The following NCEH1 variants were observed in gnomAD, a reference collection of about 807,000 sequenced individuals.
NCEH1 encodes 2-acetyl MAGE hydrolase.
In NCEH1, 9 loss-of-function variants were observed where a neutral mutation model predicts 25.4. The observed-to-expected ratio is 0.35, with a 90% CI of 0.21 to 0.62. The LOEUF is 0.62. Ranked by LOEUF, NCEH1 falls within the 20% of genes least tolerant of loss-of-function variation. The probability of loss-of-function intolerance (pLI) is 0.72; values close to 1 mark genes in which losing one functional copy is unlikely to be tolerated. For synonymous variants in NCEH1, 200 were observed against 199.8 expected (o/e 1.00, Z -0.01); for missense variants, 412 against 501.1 (o/e 0.82, Z 1.70).
chr3:172,654,000 C>T (rs1445227166), intron 1 of NCEH1, among the ~76,000 whole-genome samples: 1 of 152,044 alleles, frequency 6.6e-6, no homozygotes, highest in Non-Finnish European at 1.5e-5. Flanking sequence ...CATGATCCTC[C>T]CGCCTTGGCC....
intron 1 of NCEH1, among the ~76,000 whole-genome samples, chr3:172,658,564 T>C (rs1040647363): frequency 2.6e-5 from 4 of 152,104 alleles, no homozygotes; most frequent in East Asian, 1.9e-4. Flanking sequence ...AATAGTAGGG[T>C]TCTCTCATTA....
At chr3:172,656,725 C>T (rs1717714511) in intron 1 of NCEH1, among the ~76,000 whole-genome samples, 1 of 152,098 alleles carries the variant, frequency 6.6e-6, no homozygotes, top group Non-Finnish European at 1.5e-5. Flanking sequence ...CAATATTGCA[C>T]CACTGCACTC....
At chr3:172,662,363 G>A (rs942690315) in intron 1 of NCEH1, among the ~76,000 whole-genome samples, 4 of 152,080 alleles carry the variant, frequency 2.6e-5, no homozygotes, top group African/African-American at 7.2e-5. Flanking sequence ...TGCTGGATTC[G>A]GTTTGCCAGT....
At chr3:172,648,459 T>C (rs1173923722) in intron 1 of NCEH1, among the ~76,000 whole-genome samples, 2 of 152,134 alleles carry the variant, frequency 1.3e-5, no homozygotes, top group Non-Finnish European at 2.9e-5. Context: ...TAAATAAGTA[T>C]ATCACAGTTC....
At chr3:172,646,796 C>T (rs1217648588) in intron 2 of NCEH1, among the ~76,000 whole-genome samples, 1 of 152,194 alleles carries the variant, frequency 6.6e-6, no homozygotes. Flanking sequence ...TCCTCCAGTA[C>T]AATGTTTTTC....
chr3:172,685,072 A>T (rs1712623386), intron 1 of NCEH1, among the ~76,000 whole-genome samples: 1 of 151,816 alleles, frequency 6.6e-6, no homozygotes, highest in African/African-American at 2.4e-5. Flanking sequence ...AGGCGGGTGG[A>T]CTGCCAGAGC....
chr3:172,669,042 C>T (rs1718360280), intron 1 of NCEH1, among the ~76,000 whole-genome samples: 1 of 152,116 alleles, frequency 6.6e-6, no homozygotes, highest in Non-Finnish European at 1.5e-5. Context: ...TTTCTTCTCT[C>T]TCCAACTGGA....
intron 1 of NCEH1, among the ~76,000 whole-genome samples, chr3:172,662,118 CTCT>C (rs538410146): frequency 5.3e-4 from 81 of 152,186 alleles, no homozygotes; most frequent in African/African-American, 1.9e-3. Flanking sequence ...TCATACATAG[CTCT>C]TATTATTTTG....
chr3:172,701,552 G>A (rs1419571368), intron 1 of NCEH1, among the ~76,000 whole-genome samples: 1 of 147,306 alleles, frequency 6.8e-6, no homozygotes, highest in African/African-American at 2.5e-5. Flanking sequence ...CAGATTCAAG[G>A]GATTCTCCTG....
chr3:172,647,314 A>C (rs1400779381), intron 2 of NCEH1, among the ~76,000 whole-genome samples: 1 of 152,150 alleles, frequency 6.6e-6, no homozygotes. Flanking sequence ...AATGTGTTCT[A>C]CTCATAAAAA....
chr3:172,638,021 G>C (rs1033475944), intron 3 of NCEH1, among the ~76,000 whole-genome samples: 2 of 152,080 alleles, frequency 1.3e-5, no homozygotes, highest in Non-Finnish European at 2.9e-5. Flanking sequence ...AGACCTGGGC[G>C]AAAGAGCAAG....
intron 1 of NCEH1, among the ~76,000 whole-genome samples, chr3:172,656,942 T>C (rs538145546): frequency 1.3e-5 from 2 of 152,254 alleles, no homozygotes; most frequent in South Asian, 4.2e-4. Flanking sequence ...ATTTGACAAC[T>C]TGTGCTTTCT....
At chr3:172,664,392 A>AT (rs1264592681) in intron 1 of NCEH1, among the ~76,000 whole-genome samples, 1 of 151,822 alleles carries the variant, frequency 6.6e-6, no homozygotes, top group Non-Finnish European at 1.5e-5. Context: ...TGCGCTTGAC[A>AT]TTTTTTTCTT....
At chr3:172,650,670 G>T (rs1717354307) in intron 1 of NCEH1, among the ~76,000 whole-genome samples, 2 of 148,844 alleles carry the variant, frequency 1.3e-5, no homozygotes, top group Admixed American at 1.3e-4. Context: ...AAAATAGCCA[G>T]GCATGGTGGC....
intron 1 of NCEH1, among the ~76,000 whole-genome samples, chr3:172,652,907 G>A (rs1240072132): frequency 6.6e-6 from 1 of 150,522 alleles, no homozygotes; most frequent in Non-Finnish European, 1.5e-5. Context: ...GTTTCACTAT[G>A]TTGCCCAGGC....
intron 1 of NCEH1, among the ~76,000 whole-genome samples, chr3:172,680,103 G>A (rs917222345): frequency 6.6e-6 from 1 of 152,160 alleles, no homozygotes; most frequent in South Asian, 2.1e-4. Context: ...AACATCTGGG[G>A]CAGACCCAGG....
chr3:172,693,259 AAAG>A (rs1458130971), intron 1 of NCEH1, among the ~76,000 whole-genome samples: 5 of 152,240 alleles, frequency 3.3e-5, no homozygotes, highest in Non-Finnish European at 5.9e-5. Context: ...CCATAAACAG[AAAG>A]AAGAAGAGCT....
chr3:172,677,739 T>A (rs1477099493), intron 1 of NCEH1, among the ~76,000 whole-genome samples: 1 of 152,170 alleles, frequency 6.6e-6, no homozygotes, highest in Admixed American at 6.5e-5. Flanking sequence ...CCATCCTGGC[T>A]AACACAGCGA....
At chr3:172,662,949 G>T (rs938523857) in intron 1 of NCEH1, among the ~76,000 whole-genome samples, 2 of 152,084 alleles carry the variant, frequency 1.3e-5, no homozygotes, top group Non-Finnish European at 2.9e-5. Flanking sequence ...GGTTTTTTGT[G>T]TCTCTATCTC....
Sources: allele counts gnomAD v4.1 joint callset (sites outside exome capture counted in the v4.1 genomes callset), GRCh38; gene constraint gnomAD v4.1.1; transcripts MANE v1.5; gene names NCBI Gene and HGNC (gene_info 2026-07-23, HGNC 2026-07-21).